Variants in TMEM63A observed in about 807,000 individuals in gnomAD.
The protein encoded by TMEM63A is transmembrane protein 63A, also known as mechanosensitive cation channel TMEM63A.
A neutral mutation model predicts 100.6 loss-of-function variants in TMEM63A; 76 were observed. The observed-to-expected ratio is 0.76, with a 90% CI of 0.63 to 0.91. The LOEUF (loss-of-function observed/expected upper bound fraction) is 0.91, where lower values mean the gene tolerates loss of function less well. TMEM63A is among the 40% of genes least tolerant of loss of function. The pLI is 0.00. For synonymous variants in TMEM63A, 401 were observed against 401.1 expected, an observed-to-expected ratio of 1.00 and a Z score of 0.00; for missense variants, 876 against 1,008.8, an observed-to-expected ratio of 0.87 and a Z score of 1.78.
At position 225,852,915 on chromosome 1, in the gene TMEM63A, C is replaced by T. The variant is rs1444098487; in HGVS notation, c.1798-146G>A. On this transcript the variant is annotated intron_variant, in intron 19 of 24. Transcript: ENST00000366835. ...GCTCCCCGCCTCCCAAGGTCCTTCC[C>T]ATCCCTCCCAGCCTGCCCTGCTTCA... The T allele has an allele frequency of 5.8e-6, 4 of 692,234 alleles. No homozygotes were observed. The East Asian group carries it at 1.1e-4, about 19-fold the overall frequency. The allele number at this position is 692,234 out of a possible 1,614,324, so 42.9% of individuals were successfully genotyped here.
rs774045952 is a variant in TMEM63A at position 225,862,665 on chromosome 1, C to T, written c.828-87G>A. ...TACCCACAGTTCAACCATCGAACGCCAGGGGAGAAGGAGGGGTCCAGGGCC... is the reference window on the plus strand; with the variant it reads ...TACCCACAGTTCAACCATCGAACGCTAGGGGAGAAGGAGGGGTCCAGGGCC... On this transcript the variant is annotated intron_variant, in intron 11 of 24. Coordinates refer to ENST00000366835, the MANE Select transcript of TMEM63A (RefSeq NM_014698.3). This position sits in a 1 kb window ranked among gnomAD's most constrained non-coding sequence, Gnocchi z 5.1. 225 of 1,602,884 alleles carry T rather than the reference C, an allele frequency of 1.4e-4. 1 individual carries two copies. In the Middle Eastern group the frequency reaches 2.3e-3, roughly 17 times the overall value.
intron 15 of TMEM63A, among the ~76,000 whole-genome samples, chr1:225,857,389 G>C (rs199930629): frequency 1.1e-4 from 15 of 133,792 alleles, no homozygotes; most frequent in East Asian, 5.6e-4. Flanking sequence ...CGGGGCGGGG[G>C]GGGGGGGGTG....
At chr1:225,859,104 C>A in intron 15 of TMEM63A, 92 bp downstream of exon 15, 1 of 1,571,676 alleles carries the variant, frequency 6.4e-7, no homozygotes. Context: ...GTTCCCCGCA[C>A]ACACCCCACT....
rs1576098352 is a variant in TMEM63A, at chr1:225,865,986, A to C, written c.676-19T>G. ...GCCTCACCTGTCCGGGAAATACAGC[A>C]GGGAGAGAAGTCACCCACAAGCCAG... is the stretch of plus-strand genomic sequence containing the variant. On this transcript the variant is annotated intron_variant, in intron 9 of 24. Coordinates refer to ENST00000366835, the MANE Select transcript of TMEM63A (RefSeq NM_014698.3). This position sits in a 1 kb window ranked among gnomAD's most constrained non-coding sequence, Gnocchi z 4.6. 3.7e-6 allele frequency: 6 copies of C among 1,612,870 alleles called. No individual in the cohort carries two copies. The highest frequency in any genetic ancestry group is 5.1e-6 in the Non-Finnish European group (6 of 1,179,328).
chr1:225,843,135 G>T (rs1317366004), downstream of TMEM63A, among the ~76,000 whole-genome samples: 1 of 152,190 alleles, frequency 6.6e-6, no homozygotes, highest in Admixed American at 6.5e-5. Flanking sequence ...AACAATGCCG[G>T]GTGAACAGTG....
At chr1:225,870,480 G>A (rs1374590523) in intron 6 of TMEM63A, among the ~76,000 whole-genome samples, 1 of 150,630 alleles carries the variant, frequency 6.6e-6, no homozygotes, top group Non-Finnish European at 1.5e-5. Flanking sequence ...CACCACATGA[G>A]AGGTAACTAA....
Position 225,877,505 on chromosome 1 carries a change from G to T in TMEM63A, c.76C>A (p.Arg26=). The T allele has an allele frequency of 1.2e-6, 2 of 1,614,158 alleles. No homozygotes were observed. Among genetic ancestry groups the T allele is most frequent in the South Asian group, 1.1e-5 (1 of 91,072 alleles). Residue 26 remains arginine, a synonymous_variant, in exon 3 of 25, where the codon CGG becomes AGG. Coordinates refer to ENST00000366835, the MANE Select transcript of TMEM63A (RefSeq NM_014698.3). ...TTGTAGCAATAGGAGTCGTTGGGCC[G>T]GTCCCCGAGTCCCAGCTGCTCCCTG... ...SIREQLGLGD[R]PNDSYCYNSA...
intron 14 of TMEM63A, 196 bp from the exon 15 acceptor site, chr1:225,859,545 C>A: frequency 1.5e-6 from 1 of 662,002 alleles, no homozygotes; most frequent in Non-Finnish European, 2.5e-6. Flanking sequence ...TCAGATGTGG[C>A]TCCCCAGCTA....
chr1:225,877,472 T>G lies in TMEM63A; in HGVS notation c.109A>C (p.Lys37Gln). 6.2e-7 allele frequency: 1 copy of G among 1,614,198 alleles called. No homozygotes were observed. Among genetic ancestry groups the G allele is most frequent in the Non-Finnish European group, 8.5e-7 (1 of 1,180,038 alleles). The change falls in exon 3 of 25, where the codon AAA (lysine) becomes CAA (glutamine). Residue 37 changes from lysine (K) to glutamine (Q), a missense_variant. This residue lies in a region of TMEM63A where 43 missense variants were observed against 48.9 expected (regional missense o/e 0.88). Transcript: ENST00000366835. Reference sequence around the variant, plus strand: ...ACCCCCTGGAGCACGGTGCTGTTTTTGGCCGAGTTGTAGCAATAGGAGTCG... The same window carrying G: ...ACCCCCTGGAGCACGGTGCTGTTTTGGGCCGAGTTGTAGCAATAGGAGTCG... ...PNDSYCYNSA[K>Q]NSTVLQGVTF...
intron 4 of TMEM63A, among the ~76,000 whole-genome samples, chr1:225,872,850 T>C: frequency 6.6e-6 from 1 of 151,866 alleles, no homozygotes; most frequent in African/African-American, 2.4e-5. Flanking sequence ...CCCGCCACCA[T>C]GCCTGGCTAA....
chr1:225,881,810 GTC>G (rs889367329), intron 1 of TMEM63A, among the ~76,000 whole-genome samples: 3 of 142,006 alleles, frequency 2.1e-5, no homozygotes, highest in African/African-American at 7.6e-5. Flanking sequence ...CTTCCCCCCA[GTC>G]CCCGAGTCCC....
intron 23 of TMEM63A, among the ~76,000 whole-genome samples, chr1:225,848,036 G>A (rs1372533429): frequency 6.6e-6 from 1 of 152,150 alleles, no homozygotes; most frequent in African/African-American, 2.4e-5. Flanking sequence ...CTCTACCATG[G>A]GGTCTTCCTC....
At chr1:225,843,755 G>C (rs1435087260), downstream of TMEM63A, among the ~76,000 whole-genome samples, 1 of 152,216 alleles carries the variant, frequency 6.6e-6, no homozygotes, top group South Asian at 2.1e-4. Flanking sequence ...TTCAAGCTGC[G>C]GGCAGAGCTG....
Position 225,865,691 on chromosome 1 carries a change from G to T in TMEM63A, c.746+206C>A. The T allele has an allele frequency of 1.7e-6, 1 of 573,982 alleles. No individual in the cohort carries two copies. Among genetic ancestry groups the T allele is most frequent in the Non-Finnish European group, 3.1e-6 (1 of 319,290 alleles). 35.6% of individuals were successfully genotyped at this position (573,982 alleles called of 1,614,324 possible). A position where few individuals can be genotyped will look rare whatever the true frequency, so the allele number is the denominator to read the frequency against. On this transcript the variant is annotated intron_variant, in intron 10 of 24. Coordinates refer to ENST00000366835, the MANE Select transcript of TMEM63A (RefSeq NM_014698.3). The surrounding 1 kb of genome is among the most constrained non-coding windows in gnomAD (Gnocchi z 4.6). The stretch of plus-strand genomic sequence containing the variant: ...GCTGCTTGAAGAGGATAGGCCACCA[G>T]GGCGCTATTCACTGCACAGCACCAG...
intron 3 of TMEM63A, among the ~76,000 whole-genome samples, chr1:225,875,285 C>T (rs111514811): frequency 4.3e-4 from 66 of 152,316 alleles, no homozygotes; most frequent in African/African-American, 1.5e-3. Context: ...TGGACTAAGC[C>T]GCTTAGCTCT....
intron 13 of TMEM63A, 144 bp from the exon 14 acceptor site, chr1:225,861,141 G>T: frequency 2.2e-6 from 2 of 909,662 alleles, no homozygotes; most frequent in East Asian, 2.8e-5. Context: ...GTAACGCTAT[G>T]TAAGAGGTGC....
intron 23 of TMEM63A, chr1:225,847,442 AG>A: frequency 2.0e-6 from 1 of 494,372 alleles, no homozygotes; most frequent in South Asian, 3.3e-5. Flanking sequence ...TGATCACAGA[AG>A]GAAGCACAAG....
At position 225,862,224 on chromosome 1, in the gene TMEM63A, G is replaced by T; in HGVS notation, c.1079C>A (p.Ala360Asp). Residue 360 changes from alanine (A) to aspartate (D), a missense_variant, in exon 13 of 25, where the codon GCC (alanine) becomes GAC (aspartate). Physicochemically the swap from Ala to Asp is moderately radical, Grantham distance 126. Transcript: ENST00000366835. The surrounding 1 kb of genome is among the most constrained non-coding windows in gnomAD (Gnocchi z 5.1). ...TGGATGTGCCTACACTCACTAGGTGGCCATGGACTTCTCCTGGAAGGTGAC... is the reference window on the plus strand; with the variant it reads ...TGGATGTGCCTACACTCACTAGGTGTCCATGGACTTCTCCTGGAAGGTGAC... Reference protein sequence around the residue: ...AFVTFQEKSMATYILKDFNAC... With the variant: ...AFVTFQEKSMDTYILKDFNAC... 6.2e-7 allele frequency: 1 copy of T among 1,613,930 alleles called. No individual in the cohort carries two copies. The highest frequency in any genetic ancestry group is 8.5e-7 in the Non-Finnish European group (1 of 1,180,036).
chr1:225,876,063 C>CAAA lies in TMEM63A; in HGVS notation c.186+1329_186+1331dup, dbSNP rs532420561. Among the ~76,000 whole-genome samples the CAAA allele has an allele frequency of 1.1e-3, 35 of 32,918 alleles. 5 individuals carry two copies. Among genetic ancestry groups the CAAA allele is most frequent in the South Asian group, 3.3e-3 (2 of 614 alleles). The allele number at this position is 32,918 out of a possible 152,430, so 21.6% of individuals were successfully genotyped here. ...CCTGGGTGACAGTGAGACCTTGTCTCAAAAAAAAAAAAAAAAAAAAAAAAA... is the reference window on the plus strand; with the variant it reads ...CCTGGGTGACAGTGAGACCTTGTCTCAAAAAAAAAAAAAAAAAAAAAAAAAAAA... On this transcript the variant is annotated intron_variant, in intron 3 of 24. Coordinates refer to ENST00000366835, the MANE Select transcript of TMEM63A (RefSeq NM_014698.3).
Sources: gnomAD v4.1 joint callset for allele counts (sites outside exome capture counted in the v4.1 genomes callset) on GRCh38, gnomAD v4.1.1 for gene constraint, gnomAD v4.1.1 regional missense constraint, Gnocchi (gnomAD v3.1) non-coding constraint, MANE v1.5 for transcripts, NCBI Gene and HGNC (gene_info 2026-07-23, HGNC 2026-07-21) for gene names.